TMEM200A: variants seen among roughly 807,000 people sequenced by gnomAD.
TMEM200A encodes the protein two transmembrane C.
A neutral mutation model predicts 24.3 loss-of-function variants in TMEM200A; 12 were observed. The ratio of observed to expected loss-of-function variants is 0.49; its 90% CI spans 0.32 to 0.80. TMEM200A has a LOEUF of 0.80. Ranked by LOEUF, TMEM200A falls within the 30% of genes least tolerant of loss-of-function variation. The pLI, the probability that TMEM200A is intolerant of heterozygous loss-of-function variation, is 0.04. For synonymous variants in TMEM200A, 224 were observed against 224.4 expected (o/e 1.00, Z 0.02); for missense variants, 545 against 614.4 (o/e 0.89, Z 1.19).
intron 2 of TMEM200A, among the ~76,000 whole-genome samples, chr6:130,431,184 G>A (rs536768096): frequency 6.6e-6 from 1 of 152,294 alleles, no homozygotes; most frequent in Non-Finnish European, 1.5e-5. Flanking sequence ...CTGTAGGAAA[G>A]CCAACAGTGT....
chr6:130,407,364 G>A (rs1414462252), intron 2 of TMEM200A, among the ~76,000 whole-genome samples: 1 of 152,176 alleles, frequency 6.6e-6, no homozygotes, highest in Non-Finnish European at 1.5e-5. Context: ...TGACAACAGG[G>A]TTAGTAGTTT....
intron 2 of TMEM200A, among the ~76,000 whole-genome samples, chr6:130,425,476 C>T (rs1418401859): frequency 6.6e-6 from 1 of 152,118 alleles, no homozygotes; most frequent in Non-Finnish European, 1.5e-5. Context: ...AAGGAGAGTC[C>T]TCTTCATCAC....
rs528035985 is a variant in TMEM200A, at chr6:130,421,935, C to G, written c.-16-18472C>G. Reference sequence around the variant, plus strand: ...TATATATGTATATATACATGTTTATCACATTTTCTTTATTCATGTGTCACT... The same window carrying G: ...TATATATGTATATATACATGTTTATGACATTTTCTTTATTCATGTGTCACT... On this transcript the variant is annotated intron_variant, in intron 2 of 2. Transcript: ENST00000296978. 2.6e-4 allele frequency among the ~76,000 whole-genome samples: 39 copies of G among 152,204 alleles called. 1 individual carries two copies. The highest frequency in any genetic ancestry group is 8.7e-4 in the African/African-American group (36 of 41,542).
At chr6:130,386,242 A>G (rs908180708) in intron 2 of TMEM200A, among the ~76,000 whole-genome samples, 1 of 152,202 alleles carries the variant, frequency 6.6e-6, no homozygotes, top group Non-Finnish European at 1.5e-5. Flanking sequence ...ACTGAAGCTC[A>G]GAGGAAGGGT....
rs375637812 is a variant in TMEM200A, at chr6:130,366,458, T to C, written c.-147T>C. ...AGGCGCCCGACGTCCCGACAGCTCC[T>C]GGAGTGAGACCAGGACTGAGAACAG... On this transcript the variant is annotated 5_prime_UTR_variant, in exon 1 of 3. Coordinates refer to ENST00000296978, the MANE Select transcript of TMEM200A (RefSeq NM_001258277.2). The surrounding 1 kb of genome is among the most constrained non-coding windows in gnomAD (Gnocchi z 4.4). 16 of 985,408 alleles carry C rather than the reference T, an allele frequency of 1.6e-5. No homozygotes were observed. The highest frequency in any genetic ancestry group is 1.8e-5 in the Non-Finnish European group (15 of 830,148). 61.0% of individuals were successfully genotyped at this position (985,408 alleles called of 1,614,324 possible).
In TMEM200A at chr6:130,413,816, CT is replaced by C. The variant is rs745700458; in HGVS notation, c.-16-26588del. ...CCCTTGTCCATCTCTGCCTCAGCCA[CT>C]TTGGCCCTCTTTCTGTTCCCAGAAC... On this transcript the variant is annotated intron_variant, in intron 2 of 2. Coordinates refer to ENST00000296978, the MANE Select transcript of TMEM200A (RefSeq NM_001258277.2). Among the ~76,000 whole-genome samples the C allele has an allele frequency of 2.0e-5, 3 of 152,310 alleles. No individual in the cohort carries two copies. The East Asian group carries it at 5.8e-4, about 29-fold the overall frequency.
intron 2 of TMEM200A, among the ~76,000 whole-genome samples, chr6:130,429,829 T>A (rs1329763806): frequency 4.6e-5 from 7 of 152,194 alleles, no homozygotes; most frequent in Admixed American, 4.6e-4. Flanking sequence ...AAATTAAACA[T>A]GCTTCTCACA....
chr6:130,404,732 A>T (rs1015529597), intron 2 of TMEM200A, among the ~76,000 whole-genome samples: 1 of 152,110 alleles, frequency 6.6e-6, no homozygotes, highest in Non-Finnish European at 1.5e-5. Context: ...CGTCTTTGTC[A>T]TGGAATCTTT....
intron 2 of TMEM200A, among the ~76,000 whole-genome samples, chr6:130,386,458 G>A (rs1778714182): frequency 6.6e-6 from 1 of 152,138 alleles, no homozygotes; most frequent in Admixed American, 6.5e-5. Context: ...CTATGTTATT[G>A]TCAGCCAAAG....
At chr6:130,368,045 C>T (rs539928971) in intron 1 of TMEM200A, among the ~76,000 whole-genome samples, 113 of 152,206 alleles carry the variant, frequency 7.4e-4, no homozygotes, top group Non-Finnish European at 1.2e-3. Flanking sequence ...TGAAGACACC[C>T]GTAATCAGAA....
intron 2 of TMEM200A, among the ~76,000 whole-genome samples, chr6:130,400,211 C>T (rs1779052115): frequency 6.6e-6 from 1 of 151,960 alleles, no homozygotes; most frequent in Non-Finnish European, 1.5e-5. Flanking sequence ...TGTAAACATG[C>T]ATGTGCAAGT....
chr6:130,365,810 C>G (rs1251796279), upstream of TMEM200A: 3 of 985,384 alleles, frequency 3.0e-6, no homozygotes, highest in Non-Finnish European at 3.6e-6. Context: ...ATCGGCCGGC[C>G]TGGGCTCCTG....
At chr6:130,395,561 A>G (rs892012499) in intron 2 of TMEM200A, among the ~76,000 whole-genome samples, 2 of 152,372 alleles carry the variant, frequency 1.3e-5, no homozygotes, top group Admixed American at 1.3e-4. Flanking sequence ...AATCTTAAGT[A>G]GTCAGCTAAG....
intron 2 of TMEM200A, among the ~76,000 whole-genome samples, chr6:130,402,224 A>G (rs1421476696): frequency 6.6e-6 from 1 of 152,080 alleles, no homozygotes; most frequent in Non-Finnish European, 1.5e-5. Flanking sequence ...TGGAAAAAAG[A>G]CATAAAAATG....
At chr6:130,399,537 T>C (rs1779032732) in intron 2 of TMEM200A, among the ~76,000 whole-genome samples, 1 of 151,832 alleles carries the variant, frequency 6.6e-6, no homozygotes, top group Non-Finnish European at 1.5e-5. Flanking sequence ...CATTGAGCTT[T>C]TAATTTATTA....
At chr6:130,386,465 A>C (rs1005516714) in intron 2 of TMEM200A, among the ~76,000 whole-genome samples, 1 of 152,198 alleles carries the variant, frequency 6.6e-6, no homozygotes, top group Non-Finnish European at 1.5e-5. Flanking sequence ...ATTGTCAGCC[A>C]AAGACTGGCA....
rs1347708313 is a variant in TMEM200A, at chr6:130,366,499, C to T, written c.-106C>T. 86 of 985,664 alleles carry T rather than the reference C, an allele frequency of 8.7e-5. No individual in the cohort carries two copies. Among genetic ancestry groups the T allele is most frequent in the Non-Finnish European group, 1.0e-4 (84 of 830,234 alleles). 61.1% of individuals were successfully genotyped at this position (985,664 alleles called of 1,614,324 possible). A position where few individuals can be genotyped will look rare whatever the true frequency, so the allele number is the denominator to read the frequency against. ...CTGAGAACAGGGAGAGGCGACCCGA[C>T]CCCCAGGGCCCGGTGCTCAGGACAG... On this transcript the variant is annotated 5_prime_UTR_variant, in exon 1 of 3. Coordinates refer to ENST00000296978, the MANE Select transcript of TMEM200A (RefSeq NM_001258277.2). This position sits in a 1 kb window ranked among gnomAD's most constrained non-coding sequence, Gnocchi z 4.4.
At chr6:130,415,129 A>G (rs1316504466) in intron 2 of TMEM200A, among the ~76,000 whole-genome samples, 2 of 152,156 alleles carry the variant, frequency 1.3e-5, no homozygotes, top group African/African-American at 4.8e-5. Context: ...ATGCAATTCA[A>G]TGGAATGGAA....
intron 1 of TMEM200A, among the ~76,000 whole-genome samples, chr6:130,376,441 C>G (rs1296529338): frequency 2.6e-5 from 4 of 152,012 alleles, no homozygotes; most frequent in African/African-American, 9.7e-5. Context: ...CATCACCATG[C>G]CTGGCTAATT....
Sources: allele counts gnomAD v4.1 joint callset (sites outside exome capture counted in the v4.1 genomes callset), GRCh38; gene constraint gnomAD v4.1.1; non-coding constraint Gnocchi (gnomAD v3.1); transcripts MANE v1.5; gene names NCBI Gene and HGNC (gene_info 2026-07-23, HGNC 2026-07-21).